The following POFUT2 variants were observed in gnomAD, a reference collection of about 807,000 sequenced individuals.
The protein encoded by POFUT2 is GDP-fucose protein O-fucosyltransferase 2.
Under a neutral mutation model 55.0 loss-of-function variants are expected in POFUT2, and 30 were observed. The observed-to-expected ratio is 0.55, with a 90% CI of 0.41 to 0.74. The LOEUF (loss-of-function observed/expected upper bound fraction) is 0.74. Among genes scored for constraint, POFUT2 ranks in the 30% least tolerant of loss-of-function variants. POFUT2 has a pLI of 0.00. For missense variants in POFUT2, 524 were observed against 562.6 expected (o/e 0.93, Z 0.69); for synonymous variants, 267 against 231.1 (o/e 1.16, Z -1.41).
At chr21:45,279,394 CA>C (rs1205012225) in intron 4 of POFUT2, among the ~76,000 whole-genome samples, 2 of 150,592 alleles carry the variant, frequency 1.3e-5, no homozygotes, top group South Asian at 2.1e-4. Flanking sequence ...GACTCAGTCT[CA>C]AAAAAAATAC....
chr21:45,269,728 A>C (rs1417108581), intron 7 of POFUT2, 111 bp downstream of exon 7: 2 of 1,010,768 alleles, frequency 2.0e-6, no homozygotes, highest in East Asian at 5.4e-5. Flanking sequence ...TCCCTCCACT[A>C]TTGTTCCATG....
rs962002007 is a variant in POFUT2, at chr21:45,281,956, C to T, written c.638+393G>A. On this transcript the variant is annotated intron_variant, in intron 4 of 8. Transcript: ENST00000349485. The surrounding 1 kb of genome is among the most constrained non-coding windows in gnomAD (Gnocchi z 5.0). ...CATGATCCTCCCCAGACCCGTGAGG[C>T]AGAAAACAGATCAAACAGTGGGTGT... 2.0e-5 allele frequency among the ~76,000 whole-genome samples: 3 copies of T among 152,134 alleles called. No individual in the cohort carries two copies. Among genetic ancestry groups the T allele is most frequent in the Admixed American group, 6.5e-5 (1 of 15,278 alleles).
chr21:45,270,100 G>A lies in POFUT2; in HGVS notation c.832-81C>T, dbSNP rs993501592. On this transcript the variant is annotated intron_variant, in intron 6 of 8. Coordinates refer to ENST00000349485, the MANE Select transcript of POFUT2 (RefSeq NM_133635.6). This position sits in a 1 kb window ranked among gnomAD's most constrained non-coding sequence, Gnocchi z 4.6. The stretch of plus-strand genomic sequence containing the variant: ...CTGGGCACCGGGTGGGACTCGAGAC[G>A]CAGAGGGATGACCCTTTCCATGTGG... The A allele has an allele frequency of 9.5e-6, 11 of 1,160,642 alleles. No individual in the cohort carries two copies. Among genetic ancestry groups the A allele is most frequent in the South Asian group, 3.7e-5 (2 of 54,592 alleles). 71.9% of individuals were successfully genotyped at this position (1,160,642 alleles called of 1,614,324 possible).
In POFUT2 at chr21:45,270,718, G is replaced by T. The variant is rs8128636; in HGVS notation, c.832-699C>A. On this transcript the variant is annotated intron_variant, in intron 6 of 8. Transcript: ENST00000349485. The surrounding 1 kb of genome is among the most constrained non-coding windows in gnomAD (Gnocchi z 4.6). ...CTGGGAGACCCGAAGACGGATCACA[G>T]CACAGGACTCTCCGCAGACATTCCC... Among the ~76,000 whole-genome samples, 62,344 of 152,034 alleles carry T rather than the reference G, an allele frequency of 0.41. 13,326 individuals are homozygous for T. Among genetic ancestry groups the T allele is most frequent in the South Asian group, 0.54 (2,600 of 4,824 alleles).
Position 45,265,245 on chromosome 21 carries a change from CT to C in POFUT2, c.*236del. ...CGAGCTGTGGGTTCACAGACGCTGC[CT>C]GAAAACAACCGCCACCCCCGAGAGC... is the stretch of plus-strand genomic sequence containing the variant. On this transcript the variant is annotated 3_prime_UTR_variant, in exon 9 of 9. Coordinates refer to ENST00000349485, the MANE Select transcript of POFUT2 (RefSeq NM_133635.6). This position sits in a 1 kb window ranked among gnomAD's most constrained non-coding sequence, Gnocchi z 4.6. 2.5e-6 allele frequency: 1 copy of C among 405,064 alleles called. No individual in the cohort carries two copies. The allele number at this position is 405,064 out of a possible 1,614,324, so 25.1% of individuals were successfully genotyped here.
intron 1 of POFUT2, among the ~76,000 whole-genome samples, chr21:45,287,196 G>GGCCCCTGCCCCTGCCCCT (rs1217709805): frequency 3.3e-5 from 2 of 60,696 alleles, no homozygotes; most frequent in African/African-American, 5.8e-5. Context: ...GCCCGGCCCC[G>GGCCCCTGCCCCTGCCCCT]GCCCCTGCCC....
chr21:45,279,986 G>A (rs768892566), intron 4 of POFUT2, among the ~76,000 whole-genome samples: 15 of 152,216 alleles, frequency 9.9e-5, no homozygotes, highest in Non-Finnish European at 1.9e-4. Context: ...TTCAGTGGGT[G>A]CCTCCGGCCC....
intron 7 of POFUT2, among the ~76,000 whole-genome samples, chr21:45,268,797 G>T (rs1273594886): frequency 6.3e-5 from 9 of 142,522 alleles, no homozygotes; most frequent in African/African-American, 2.2e-4. Flanking sequence ...CAGCCACCCC[G>T]TCCGGGAGGG....
At position 45,277,638 on chromosome 21, in the gene POFUT2, AGGG is replaced by A. The variant is rs2029948381; in HGVS notation, c.705+462_705+464del. ...TCAGCAGGCCTGCTGTGTCCACGGG[AGGG>A]GGCAGCCACTTCCCGCCCTCTGCTC... On this transcript the variant is annotated intron_variant, in intron 5 of 8. Transcript: ENST00000349485. The surrounding 1 kb of genome is among the most constrained non-coding windows in gnomAD (Gnocchi z 6.9). The A allele has an allele frequency of 9.1e-6, 2 of 220,200 alleles. No homozygotes were observed. Among genetic ancestry groups the A allele is most frequent in the East Asian group, 2.3e-4 (2 of 8,658 alleles). The allele number at this position is 220,200 out of a possible 1,614,324, so 13.6% of individuals were successfully genotyped here. A position where few individuals can be genotyped will look rare whatever the true frequency, so the allele number is the denominator to read the frequency against.
chr21:45,267,393 G>A lies in POFUT2; in HGVS notation c.1136+197C>T, dbSNP rs2093165781. 3 of 1,600,742 alleles carry A rather than the reference G, an allele frequency of 1.9e-6. No homozygotes were observed. The highest frequency in any genetic ancestry group is 1.3e-5 in the African/African-American group (1 of 74,650). ...AATTCTGTGCATGAGAACTAAAGGG[G>A]CAAGATGAACAATTAACTTCAGCCC... On this transcript the variant is annotated intron_variant, in intron 8 of 8. Transcript: ENST00000349485. This position sits in a 1 kb window ranked among gnomAD's most constrained non-coding sequence, Gnocchi z 4.4.
At chr21:45,274,279 G>A (rs895287470) in intron 6 of POFUT2, among the ~76,000 whole-genome samples, 2 of 151,968 alleles carry the variant, frequency 1.3e-5, no homozygotes, top group Non-Finnish European at 2.9e-5. Flanking sequence ...ATCTCTACAA[G>A]GAAAATTACA....
intron 4 of POFUT2, among the ~76,000 whole-genome samples, chr21:45,280,596 A>C (rs1401906052): frequency 1.3e-5 from 2 of 152,194 alleles, no homozygotes; most frequent in Admixed American, 6.5e-5. Flanking sequence ...CAATGGGGGC[A>C]CCTGCTCGCA....
intron 6 of POFUT2, among the ~76,000 whole-genome samples, chr21:45,274,681 G>A (rs772824153): frequency 4.6e-5 from 7 of 152,090 alleles, no homozygotes; most frequent in Non-Finnish European, 8.8e-5. Context: ...ACTGATCTTC[G>A]ACAAAGCAAA....
intron 4 of POFUT2, among the ~76,000 whole-genome samples, chr21:45,279,773 T>C (rs2030365474): frequency 6.6e-6 from 1 of 152,224 alleles, no homozygotes; most frequent in South Asian, 2.1e-4. Context: ...CACATTTTCT[T>C]CCATCTGTAC....
In POFUT2 at chr21:45,285,034, G is replaced by T. The variant is rs920119931; in HGVS notation, c.382+644C>A. Among the ~76,000 whole-genome samples, 1 of 152,192 alleles carries T rather than the reference G, an allele frequency of 6.6e-6. No homozygotes were observed. Among genetic ancestry groups the T allele is most frequent in the Admixed American group, 6.5e-5 (1 of 15,288 alleles). ...CAGGGAGCAAAGGTCTCTAAGCCCC[G>T]AGAGTGGCTGTCGAGTAAGAACTCA... On this transcript the variant is annotated intron_variant, in intron 2 of 8. Coordinates refer to ENST00000349485, the MANE Select transcript of POFUT2 (RefSeq NM_133635.6). The surrounding 1 kb of genome is among the most constrained non-coding windows in gnomAD (Gnocchi z 4.9).
rs1263346328 is a variant in POFUT2 at position 45,277,507 on chromosome 21, T to C, written c.706-365A>G. 3.3e-6 allele frequency: 1 copy of C among 301,636 alleles called. No individual in the cohort carries two copies. Among genetic ancestry groups the C allele is most frequent in the African/African-American group, 2.2e-5 (1 of 46,226 alleles). 18.7% of individuals were successfully genotyped at this position (301,636 alleles called of 1,614,324 possible). A position where few individuals can be genotyped will look rare whatever the true frequency, so the allele number is the denominator to read the frequency against. ...AGCTTAGGCGGTTAGCACATCCTGC[T>C]TTGCCAAACGGGGTGGGACTGACCT... On this transcript the variant is annotated intron_variant, in intron 5 of 8. Coordinates refer to ENST00000349485, the MANE Select transcript of POFUT2 (RefSeq NM_133635.6). This position sits in a 1 kb window ranked among gnomAD's most constrained non-coding sequence, Gnocchi z 6.9.
In POFUT2 at chr21:45,267,347, G is replaced by A. The variant is rs2093165323; in HGVS notation, c.1136+243C>T. 3.9e-6 allele frequency: 6 copies of A among 1,539,082 alleles called. No individual in the cohort carries two copies. The highest frequency in any genetic ancestry group is 3.8e-5 in the South Asian group (3 of 78,376). Reference sequence around the variant, plus strand: ...GAGGTTCTGAGACGAGGCCAGCTATGCCAACAGCCTGCTATGGAGGAATTC... The same window carrying A: ...GAGGTTCTGAGACGAGGCCAGCTATACCAACAGCCTGCTATGGAGGAATTC... On this transcript the variant is annotated intron_variant, in intron 8 of 8. Coordinates refer to ENST00000349485, the MANE Select transcript of POFUT2 (RefSeq NM_133635.6). The surrounding 1 kb of genome is among the most constrained non-coding windows in gnomAD (Gnocchi z 4.4).
rs529841155 is a variant in POFUT2, at chr21:45,281,458, C to T, written c.638+891G>A. On this transcript the variant is annotated intron_variant, in intron 4 of 8. Coordinates refer to ENST00000349485, the MANE Select transcript of POFUT2 (RefSeq NM_133635.6). The surrounding 1 kb of genome is among the most constrained non-coding windows in gnomAD (Gnocchi z 5.0). ...AGCCGGGCTGGCTGAGCAGCAGACA[C>T]GCGGGCCTGTGATGGAGCCACCTGC... is the stretch of plus-strand genomic sequence containing the variant. 6.6e-6 allele frequency among the ~76,000 whole-genome samples: 1 copy of T among 152,174 alleles called. No individual in the cohort carries two copies. Among genetic ancestry groups the T allele is most frequent in the East Asian group, 1.9e-4 (1 of 5,186 alleles).
In POFUT2 at chr21:45,285,074, G is replaced by C. The variant is rs1379057738; in HGVS notation, c.382+604C>G. 6.6e-6 allele frequency among the ~76,000 whole-genome samples: 1 copy of C among 152,174 alleles called. No individual in the cohort carries two copies. Among genetic ancestry groups the C allele is most frequent in the Non-Finnish European group, 1.5e-5 (1 of 68,040 alleles). ...GTAAGAACTCAACAGATGCTGGAAA[G>C]CAGGAGCCTGACTCAAAACTAACTC... On this transcript the variant is annotated intron_variant, in intron 2 of 8. Transcript: ENST00000349485. The surrounding 1 kb of genome is among the most constrained non-coding windows in gnomAD (Gnocchi z 4.9).
Sources: allele counts gnomAD v4.1 joint callset (sites outside exome capture counted in the v4.1 genomes callset), GRCh38; gene constraint gnomAD v4.1.1; non-coding constraint Gnocchi (gnomAD v3.1); transcripts MANE v1.5; gene names NCBI Gene and HGNC (gene_info 2026-07-23, HGNC 2026-07-21).